Variants in MVP observed in about 807,000 individuals in gnomAD.
MVP encodes the protein major vault protein, also known as lung resistance-related protein.
MVP carries 62 observed loss-of-function variants against 83.5 expected under a neutral mutation model. That is an observed-to-expected ratio of 0.74 (90% confidence interval 0.61 to 0.92). MVP has a LOEUF of 0.92. Among genes scored for constraint, MVP ranks in the 40% least tolerant of loss-of-function variants. The pLI is 0.00. For missense variants in MVP, 1,000 were observed against 1,203.4 expected, an observed-to-expected ratio of 0.83 and a Z score of 2.50; for synonymous variants, 505 against 504.1, an observed-to-expected ratio of 1.00 and a Z score of -0.02.
At chr16:29,847,552 G>T (rs2067596304) in intron 14 of MVP, among the ~76,000 whole-genome samples, 167 bp downstream of exon 14, 1 of 152,136 alleles carries the variant, frequency 6.6e-6, no homozygotes, top group Non-Finnish European at 1.5e-5. Flanking sequence ...ATCAACGTCA[G>T]GCACTGTACT....
chr16:29,830,466 C>A, intron 1 of MVP, 49 bp from the exon 2 acceptor site: 1 of 1,521,660 alleles, frequency 6.6e-7, no homozygotes, highest in South Asian at 1.2e-5. Context: ...ATGCCTGCCC[C>A]ACCCCAGGCT....
chr16:29,831,668 C>T, intron 3 of MVP: 2 of 456,142 alleles, frequency 4.4e-6, no homozygotes, highest in Non-Finnish European at 8.8e-6. Context: ...CAGAAGTGCC[C>T]AGCCAGTCTG....
In MVP at chr16:29,836,571, C is replaced by G; in HGVS notation, c.673-151C>G. On this transcript the variant is annotated intron_variant, in intron 6 of 14. Transcript: ENST00000357402. ...TAGCCTGGGCAACAAGAGAGAGACT[C>G]CGATTTAAAAAAAAAAAAAAACAAT... 3 of 661,344 alleles carry G rather than the reference C, an allele frequency of 4.5e-6. No homozygotes were observed. In the East Asian group the frequency reaches 8.3e-5, roughly 18 times the overall value. The allele number at this position is 661,344 out of a possible 1,614,324, so 41.0% of individuals were successfully genotyped here.
intron 3 of MVP, among the ~76,000 whole-genome samples, chr16:29,831,433 C>T (rs2067441619): frequency 6.6e-6 from 1 of 152,188 alleles, no homozygotes; most frequent in Non-Finnish European, 1.5e-5. Context: ...GGATTACAGG[C>T]ATGAGCCACT....
At chr16:29,843,689 C>A (rs2067557036) in intron 10 of MVP, among the ~76,000 whole-genome samples, 1 of 151,658 alleles carries the variant, frequency 6.6e-6, no homozygotes, top group Non-Finnish European at 1.5e-5. Context: ...GAGTTTGAGA[C>A]CAGCCTGGCC....
chr16:29,839,983 T>A, intron 7 of MVP, 195 bp from the exon 8 acceptor site: 1 of 538,140 alleles, frequency 1.9e-6, no homozygotes. Context: ...TTTGACCAGA[T>A]GAGATTTGGC....
chr16:29,833,583 G>T, intron 3 of MVP, 150 bp from the exon 4 acceptor site: 1 of 963,982 alleles, frequency 1.0e-6, no homozygotes, highest in Non-Finnish European at 1.5e-6. Context: ...GTTCTGGGAT[G>T]ACAGGTGTGA....
Position 29,831,078 on chromosome 16 carries a change from C to T in MVP, c.321+5C>T, listed in dbSNP as rs528743940. 25 of 1,609,260 alleles carry T rather than the reference C, an allele frequency of 1.6e-5. No individual in the cohort carries two copies. In the African/African-American group the frequency reaches 2.5e-4, roughly 16 times the overall value. ...CCAGGGGAGGTGCTGGAAAAGGTAC[C>T]TGGTTTCCTCACTCCCTATGCCCCA... On this transcript the variant is annotated splice_donor_5th_base_variant and intron_variant, in intron 3 of 14. Coordinates refer to ENST00000357402, the MANE Select transcript of MVP (RefSeq NM_005115.5).
In MVP at chr16:29,836,415, A is replaced by C. The variant is rs1199948336; in HGVS notation, c.673-307A>C. On this transcript the variant is annotated intron_variant, in intron 6 of 14. Transcript: ENST00000357402. ...CATGGCGAAACCCCATCTCTACTAA[A>C]AATACAAAAATTAGCTGGGCATGGT... 2.0e-5 allele frequency among the ~76,000 whole-genome samples: 3 copies of C among 151,818 alleles called. No individual in the cohort carries two copies. In the East Asian group the frequency reaches 5.8e-4, roughly 29 times the overall value.
At chr16:29,847,137 C>T in intron 13 of MVP, 60 bp from the exon 14 acceptor site, 1 of 1,566,606 alleles carries the variant, frequency 6.4e-7, no homozygotes, top group African/African-American at 1.3e-5. Context: ...TGCAGTGAGT[C>T]CTGATCTGCA....
chr16:29,847,371 G>A lies in MVP; in HGVS notation c.2440G>A (p.Gly814Arg), dbSNP rs2067594130. The change falls in exon 14 of 15, where the codon GGG (glycine) becomes AGG (arginine). Residue 814 changes from glycine to arginine, a missense_variant. By Grantham distance (125) the Gly-to-Arg change is moderately radical. Coordinates refer to ENST00000357402, the MANE Select transcript of MVP (RefSeq NM_005115.5). ...CACCATCAGGGACCTTGCTGTGGCT[G>A]GGCCTGAGATGCAGGTGAGAGTTGG... is the stretch of plus-strand genomic sequence containing the variant. ...PSTIRDLAVA[G>R]PEMQVKLLQS... The A allele has an allele frequency of 6.4e-7, 1 of 1,554,230 alleles. No individual in the cohort carries two copies. Among genetic ancestry groups the A allele is most frequent in the Non-Finnish European group, 8.7e-7 (1 of 1,154,262 alleles).
At chr16:29,843,761 C>G (rs1055525768) in intron 10 of MVP, among the ~76,000 whole-genome samples, 1 of 151,992 alleles carries the variant, frequency 6.6e-6, no homozygotes, top group Non-Finnish European at 1.5e-5. Flanking sequence ...GTTGTGGGCA[C>G]CTGTAGTCCC....
rs1178391943 is a variant in MVP at position 29,844,924 on chromosome 16, G to A, written c.2021+45G>A. ...CGGCTGCCTATAATGCCCATGGCAG[G>A]CCACTGCTGGGAACTGGATAACCTG... On this transcript the variant is annotated intron_variant, in intron 11 of 14. Coordinates refer to ENST00000357402, the MANE Select transcript of MVP (RefSeq NM_005115.5). 7.7e-6 allele frequency: 12 copies of A among 1,560,052 alleles called. No homozygotes were observed. The South Asian group carries it at 1.4e-4, about 19-fold the overall frequency.
At chr16:29,838,351 G>T (rs567171804) in intron 7 of MVP, among the ~76,000 whole-genome samples, 2 of 151,762 alleles carry the variant, frequency 1.3e-5, no homozygotes, top group Non-Finnish European at 2.9e-5. Context: ...CAGGAGAATT[G>T]CTTGAACCCG....
intron 1 of MVP, chr16:29,822,698 C>T (rs942322250): frequency 4.6e-5 from 7 of 152,134 alleles, no homozygotes; most frequent in African/African-American, 1.2e-4. Context: ...AATTCCCTGC[C>T]CTTCACAGCC....
At chr16:29,842,915 C>A (rs772360842) in intron 10 of MVP, among the ~76,000 whole-genome samples, 2 of 152,206 alleles carry the variant, frequency 1.3e-5, no homozygotes, top group Admixed American at 6.6e-5. Context: ...TTAAAAGATG[C>A]ATGGGACACA....
At chr16:29,843,554 GAGGGAGGGAGGGAGGGAGGGAGGGAGGA>G (rs2067553725) in intron 10 of MVP, among the ~76,000 whole-genome samples, 1 of 19,470 alleles carries the variant, frequency 5.1e-5, no homozygotes, top group African/African-American at 2.5e-4. Flanking sequence ...GGAAGGGAGG[GAGGGAGGGAGGGAGGGAGGGAGGGAGGA>G]AGGGAGGAAG....
At chr16:29,831,169 T>C (rs182437626) in intron 3 of MVP, 96 bp downstream of exon 3, 12 of 1,209,540 alleles carry the variant, frequency 9.9e-6, no homozygotes, top group Non-Finnish European at 1.2e-5. Flanking sequence ...TTTCTTTTCT[T>C]TTTTGAGGCA....
rs866000052 is a variant in MVP, at chr16:29,823,129, T to C, written c.-36+2619T>C. Among the ~76,000 whole-genome samples, 590 of 128,664 alleles carry C rather than the reference T, an allele frequency of 4.6e-3. 6 individuals are homozygous for C. Among genetic ancestry groups the C allele is most frequent in the African/African-American group, 0.016 (508 of 32,704 alleles). 84.4% of individuals were successfully genotyped at this position (128,664 alleles called of 152,430 possible). ...TTCCTTTTCTTTTCTTTTCTTTTTT[T>C]TTTTTTTTTTTTTGAGATGGCCTCA... On this transcript the variant is annotated intron_variant, in intron 1 of 14. Coordinates refer to ENST00000357402, the MANE Select transcript of MVP (RefSeq NM_005115.5).
Sources: allele counts gnomAD v4.1 joint callset (sites outside exome capture counted in the v4.1 genomes callset), GRCh38; gene constraint gnomAD v4.1.1; transcripts MANE v1.5; gene names NCBI Gene and HGNC (gene_info 2026-07-23, HGNC 2026-07-21).